DSCAML1: variants seen among roughly 807,000 people sequenced by gnomAD.
The protein encoded by DSCAML1 is DS cell adhesion molecule like 1.
Under a neutral mutation model 200.5 loss-of-function variants are expected in DSCAML1, and 38 were observed. That is an observed-to-expected ratio of 0.19 (90% CI 0.15 to 0.25). The LOEUF is 0.25. DSCAML1 is among the 10% of genes least tolerant of loss of function. The pLI, the probability that DSCAML1 is intolerant of heterozygous loss-of-function variation, is 1.00. For missense variants in DSCAML1, 2,223 were observed against 2,858.8 expected (o/e 0.78, Z 5.07); for synonymous variants, 1,215 against 1,165.0 (o/e 1.04, Z -0.87).
At chr11:117,767,708 G>A (rs1418544838) in intron 3 of DSCAML1, among the ~76,000 whole-genome samples, 1 of 152,198 alleles carries the variant, frequency 6.6e-6, no homozygotes, top group Non-Finnish European at 1.5e-5. Flanking sequence ...CGCTCTGCCT[G>A]GAGTCACTGT....
Position 117,797,139 on chromosome 11 carries a change from C to T in DSCAML1, c.-60G>A, listed in dbSNP as rs1362515442. 8 of 1,590,240 alleles carry T rather than the reference C, an allele frequency of 5.0e-6. No individual in the cohort carries two copies. Among genetic ancestry groups the T allele is most frequent in the African/African-American group, 2.8e-5 (2 of 72,410 alleles). On this transcript the variant is annotated 5_prime_UTR_variant, in exon 1 of 33. Coordinates refer to ENST00000651296, the MANE Select transcript of DSCAML1 (RefSeq NM_020693.4). ...CCTGTGGCCGGCCGTGCGGCAGCGC[C>T]TCTCCCCCGCTCAGCGCGCTCCCAG...
chr11:117,749,778 C>T (rs1371746818), intron 3 of DSCAML1, among the ~76,000 whole-genome samples: 1 of 152,224 alleles, frequency 6.6e-6, no homozygotes, highest in African/African-American at 2.4e-5. Flanking sequence ...TGGGCATCCA[C>T]GCATGAGATC....
chr11:117,483,952 A>T (rs541541580), intron 11 of DSCAML1, among the ~76,000 whole-genome samples: 7 of 151,248 alleles, frequency 4.6e-5, no homozygotes, highest in Non-Finnish European at 1.0e-4. Flanking sequence ...TATCCTGGTC[A>T]CTGGCCTGCT....
chr11:117,781,544 G>A (rs944638196), intron 1 of DSCAML1, among the ~76,000 whole-genome samples: 1 of 152,192 alleles, frequency 6.6e-6, no homozygotes, highest in African/African-American at 2.4e-5. Context: ...AAGAGTGCAG[G>A]AGACCTTGAC....
At chr11:117,609,035 C>CAAAAAAAA (rs58446545) in intron 3 of DSCAML1, among the ~76,000 whole-genome samples, 4 of 110,950 alleles carry the variant, frequency 3.6e-5, no homozygotes, top group East Asian at 5.2e-4. Context: ...AACAAACAAA[C>CAAAAAAAA]AAAAAAAACA....
intron 3 of DSCAML1, among the ~76,000 whole-genome samples, chr11:117,554,450 G>A (rs990299030): frequency 2.1e-4 from 32 of 151,924 alleles, no homozygotes; most frequent in African/African-American, 7.5e-4. Flanking sequence ...GTGCGATCTC[G>A]GCTCACTGAA....
intron 3 of DSCAML1, among the ~76,000 whole-genome samples, chr11:117,721,809 ATATTTT>A (rs1248402520): frequency 6.8e-6 from 1 of 147,492 alleles, no homozygotes; most frequent in Non-Finnish European, 1.5e-5. Flanking sequence ...ACATATATAT[ATATTTT>A]TTTTTTTTTT....
chr11:117,615,106 T>C (rs1387868528), intron 3 of DSCAML1, among the ~76,000 whole-genome samples: 1 of 152,308 alleles, frequency 6.6e-6, no homozygotes, highest in East Asian at 1.9e-4. Context: ...AGACTTGGAA[T>C]TGAAGAGCTG....
At chr11:117,599,414 T>C (rs2051423272) in intron 3 of DSCAML1, among the ~76,000 whole-genome samples, 1 of 152,206 alleles carries the variant, frequency 6.6e-6, no homozygotes, top group African/African-American at 2.4e-5. Flanking sequence ...CATAGCATTA[T>C]GGAATAGACA....
intron 3 of DSCAML1, among the ~76,000 whole-genome samples, chr11:117,716,947 C>A (rs868366884): frequency 7.2e-5 from 11 of 152,064 alleles, no homozygotes; most frequent in African/African-American, 2.7e-4. Context: ...GAAAGTCTGG[C>A]GACCCTTAGG....
chr11:117,780,810 G>A lies in DSCAML1; in HGVS notation c.47C>T (p.Ala16Val). ...GCTGGTGCCAACATCTTCAGGGCGGGCTGCAGGAGAGGCAAGGGGAGAGAC... is the reference window on the plus strand; with the variant it reads ...GCTGGTGCCAACATCTTCAGGGCGGACTGCAGGAGAGGCAAGGGGAGAGAC... ...FLLLLDSLHKARPEDVGTSLY... is the reference protein window; with the variant it reads ...FLLLLDSLHKVRPEDVGTSLY... The change falls in exon 2 of 33, where the codon GCC becomes GTC. Residue 16 changes from alanine to valine, a missense_variant and splice_region_variant. Ala to Val is a moderately conservative substitution (Grantham distance 64). Transcript: ENST00000651296. The surrounding 1 kb of genome is among the most constrained non-coding windows in gnomAD (Gnocchi z 4.8). 1 of 1,440,480 alleles carries A rather than the reference G, an allele frequency of 6.9e-7. No individual in the cohort carries two copies. Among genetic ancestry groups the A allele is most frequent in the Non-Finnish European group, 9.1e-7 (1 of 1,099,034 alleles). The allele number at this position is 1,440,480 out of a possible 1,614,324, so 89.2% of individuals were successfully genotyped here. A position where few individuals can be genotyped will look rare whatever the true frequency, so the allele number is the denominator to read the frequency against.
intron 17 of DSCAML1, among the ~76,000 whole-genome samples, chr11:117,461,976 G>A (rs2048491398): frequency 6.6e-6 from 1 of 152,170 alleles, no homozygotes; most frequent in African/African-American, 2.4e-5. Flanking sequence ...GACCTGGAAG[G>A]CCACCAAGCC....
intron 15 of DSCAML1, among the ~76,000 whole-genome samples, chr11:117,470,860 G>A (rs1030770471): frequency 8.0e-5 from 12 of 150,650 alleles, no homozygotes; most frequent in Non-Finnish European, 1.8e-4. Context: ...AAGTAATATT[G>A]ATTAAAACAA....
At chr11:117,727,881 A>G (rs915896654) in intron 3 of DSCAML1, among the ~76,000 whole-genome samples, 4 of 152,196 alleles carry the variant, frequency 2.6e-5, no homozygotes, top group African/African-American at 9.7e-5. Flanking sequence ...TGATCATTCT[A>G]ATTGTCATCA....
In DSCAML1 at chr11:117,480,486, G is replaced by A; in HGVS notation, c.2742C>T (p.Asn914=). ...CAATGTCGAAGCCCGTGATGATGCT[G>A]TTCCCGTCGAATCGCTGGGTCCAGC... is the stretch of plus-strand genomic sequence containing the variant. ...NLRWTQRFDG[N]SIITGFDIEY... is the part of the protein sequence containing the mutation. Residue 914 remains asparagine, a synonymous_variant, in exon 14 of 33, where the codon AAC becomes AAT. Coordinates refer to ENST00000651296, the MANE Select transcript of DSCAML1 (RefSeq NM_020693.4). This position sits in a 1 kb window ranked among gnomAD's most constrained non-coding sequence, Gnocchi z 4.1. The A allele has an allele frequency of 6.2e-7, 1 of 1,612,902 alleles. No individual in the cohort carries two copies. The highest frequency in any genetic ancestry group is 1.1e-5 in the South Asian group (1 of 90,614).
At chr11:117,816,321 G>A (rs867192716) in intron 1 of DSCAML1, among the ~76,000 whole-genome samples, 5 of 152,170 alleles carry the variant, frequency 3.3e-5, no homozygotes, top group African/African-American at 9.7e-5. Flanking sequence ...CCCTGGCTCC[G>A]AGGCCCAGGC....
intron 1 of DSCAML1, among the ~76,000 whole-genome samples, chr11:117,817,175 A>G (rs1181408684): frequency 6.6e-6 from 1 of 152,146 alleles, no homozygotes; most frequent in Non-Finnish European, 1.5e-5. Flanking sequence ...TGCTGTGAGG[A>G]AGGCCAGGAC....
chr11:117,459,002 G>A, intron 18 of DSCAML1, 93 bp from the exon 19 acceptor site: 3 of 1,496,832 alleles, frequency 2.0e-6, no homozygotes, highest in East Asian at 2.3e-5. Context: ...CACACCTACT[G>A]CACAGGCTCA....
At chr11:117,477,240 CCTTT>C (rs146937990) in intron 14 of DSCAML1, among the ~76,000 whole-genome samples, 2,707 of 148,046 alleles carry the variant, frequency 0.018, 39 homozygotes, top group Middle Eastern at 0.031. Context: ...CACACTCTCT[CCTTT>C]CTTTGAGTCA....
Sources: gnomAD v4.1 joint callset for allele counts (sites outside exome capture counted in the v4.1 genomes callset) on GRCh38, gnomAD v4.1.1 for gene constraint, Gnocchi (gnomAD v3.1) non-coding constraint, MANE v1.5 for transcripts, NCBI Gene and HGNC (gene_info 2026-07-23, HGNC 2026-07-21) for gene names.